The following PCM1 variants were observed in gnomAD, a reference collection of about 807,000 sequenced individuals.
PCM1 encodes the protein pericentriolar material 1 protein.
PCM1 carries 157 observed loss-of-function variants against 241.9 expected under a neutral mutation model. That is an observed-to-expected ratio of 0.65 (90% CI 0.57 to 0.74). The LOEUF is 0.74. Among genes scored for constraint, PCM1 ranks in the 30% least tolerant of loss-of-function variants. PCM1 has a pLI of 0.00. For synonymous variants in PCM1, 1,085 were observed against 784.9 expected (o/e 1.38, Z -6.39); for missense variants, 3,478 against 2,360.1 (o/e 1.47, Z -9.81).
At chr8:17,925,139 C>T (rs575208497) in intron 2 of PCM1, 1 of 152,222 alleles carries the variant, frequency 6.6e-6, no homozygotes, top group African/African-American at 2.4e-5. Context: ...CTACAACATT[C>T]CTATTAATTG....
chr8:17,990,074 G>A (rs997874253), intron 27 of PCM1, 95 bp downstream of exon 27: 36 of 994,344 alleles, frequency 3.6e-5, no homozygotes, highest in Admixed American at 1.9e-4. Flanking sequence ...CTAGAAAGGC[G>A]AAGTGTGTGT....
At chr8:17,947,857 G>C (rs2064406654) in intron 7 of PCM1, among the ~76,000 whole-genome samples, 1 of 152,066 alleles carries the variant, frequency 6.6e-6, no homozygotes, top group African/African-American at 2.4e-5. Flanking sequence ...TAGCTCCTTG[G>C]AACTATATTT....
chr8:17,929,677 G>A (rs188833042), intron 2 of PCM1, among the ~76,000 whole-genome samples: 67 of 152,072 alleles, frequency 4.4e-4, no homozygotes, highest in African/African-American at 1.5e-3. Flanking sequence ...TTTATCGCCC[G>A]TGTTGTAATA....
chr8:17,951,615 T>G (rs978495800), intron 8 of PCM1, among the ~76,000 whole-genome samples: 2 of 152,160 alleles, frequency 1.3e-5, no homozygotes, highest in Non-Finnish European at 2.9e-5. Flanking sequence ...AAATTCAAGT[T>G]TAAGAAGGAT....
rs570052164 is a variant in PCM1 at position 17,948,561 on chromosome 8, C to G, written c.961+1198C>G. Among the ~76,000 whole-genome samples, 5 of 152,084 alleles carry G rather than the reference C, an allele frequency of 3.3e-5. No individual in the cohort carries two copies. The South Asian group carries it at 1.0e-3, about 32-fold the overall frequency. On this transcript the variant is annotated intron_variant, in intron 7 of 38. Coordinates refer to ENST00000325083, the MANE Select transcript of PCM1 (RefSeq NM_006197.4). ...CTTGTGATCTGCCCGCCTTGGCCTC[C>G]CAAAGTGCTGGGATTACAGGCGTCA...
At position 17,947,373 on chromosome 8, in the gene PCM1, A is replaced by G; in HGVS notation, c.961+10A>G. On this transcript the variant is annotated intron_variant, in intron 7 of 38. Transcript: ENST00000325083. The stretch of plus-strand genomic sequence containing the variant: ...GTGATGGATGATTCTGGTATGTCAC[A>G]GTCTGAGAATATTCTTTTTGTAAGG... 6.4e-7 allele frequency: 1 copy of G among 1,556,380 alleles called. No homozygotes were observed.
intron 30 of PCM1, among the ~76,000 whole-genome samples, chr8:18,007,662 G>A (rs929352340): frequency 6.6e-6 from 1 of 152,084 alleles, no homozygotes; most frequent in Non-Finnish European, 1.5e-5. Context: ...CATACATGAA[G>A]AATACAAGTT....
rs775837723 is a variant in PCM1 at position 17,969,659 on chromosome 8, C to T, written c.3495C>T (p.Pro1165=). The T allele has an allele frequency of 8.1e-6, 13 of 1,612,816 alleles. No homozygotes were observed. Among genetic ancestry groups the T allele is most frequent in the Non-Finnish European group, 8.5e-6 (10 of 1,178,976 alleles). Residue 1165 remains proline (P), a synonymous_variant, in exon 22 of 39, where the codon CCC becomes CCT. Transcript: ENST00000325083. ...CTACACCCAGTGAACAGCAGCAACC[C>T]TTAGCCCAGAATTCTTCAGGAAAAA... ...NISTPSEQQQ[P]LAQNSSGKTE...
At chr8:18,009,435 T>G (rs549941391) in intron 30 of PCM1, 112 bp from the exon 31 acceptor site, 1 of 685,924 alleles carries the variant, frequency 1.5e-6, no homozygotes, top group East Asian at 2.7e-5. Flanking sequence ...ACAACCTATC[T>G]TTCCTTAGTA....
chr8:17,983,171 G>T (rs2081501120), intron 24 of PCM1: 5 of 787,098 alleles, frequency 6.4e-6, no homozygotes, highest in African/African-American at 1.8e-5. Context: ...TCATGTTATA[G>T]ACCCTGTCTT....
chr8:17,973,438 G>C (rs1365802489), intron 23 of PCM1, among the ~76,000 whole-genome samples: 1 of 152,130 alleles, frequency 6.6e-6, no homozygotes, highest in African/African-American at 2.4e-5. Flanking sequence ...GGTGCCTAAG[G>C]CTAGTTGCGG....
At chr8:17,946,158 C>G (rs2063697565) in intron 6 of PCM1, among the ~76,000 whole-genome samples, 1 of 151,948 alleles carries the variant, frequency 6.6e-6, no homozygotes. Flanking sequence ...TTTGTAAGTG[C>G]CACTTATTTA....
chr8:17,964,697 T>C lies in PCM1; in HGVS notation c.2784T>C (p.Asn928=), dbSNP rs751918599. ...EEEEEQDASS[N]DNFSVCPSNS... Reference sequence around the variant, plus strand: ...AAGAAGAGCAAGATGCCAGTTCCAATGATAACTTTTCTGTGTGTCCTTCTA... The same window carrying C: ...AAGAAGAGCAAGATGCCAGTTCCAACGATAACTTTTCTGTGTGTCCTTCTA... Residue 928 remains asparagine (N), a synonymous_variant, in exon 18 of 39, where the codon AAT becomes AAC. Transcript: ENST00000325083. The C allele has an allele frequency of 6.2e-7, 1 of 1,613,924 alleles. No homozygotes were observed. The highest frequency in any genetic ancestry group is 8.5e-7 in the Non-Finnish European group (1 of 1,179,806).
chr8:17,994,466 G>T (rs771243290), intron 29 of PCM1, among the ~76,000 whole-genome samples: 23 of 152,268 alleles, frequency 1.5e-4, no homozygotes, highest in Admixed American at 7.8e-4. Flanking sequence ...CCAAATCTTG[G>T]TTGTTGTGAA....
chr8:17,962,355 A>G (rs1393032615), intron 16 of PCM1, 181 bp downstream of exon 16: 2 of 319,402 alleles, frequency 6.3e-6, no homozygotes, highest in Non-Finnish European at 1.1e-5. Context: ...AATATAAGAA[A>G]GATAAAACAT....
At chr8:17,961,598 A>C (rs1454712753) in intron 15 of PCM1, among the ~76,000 whole-genome samples, 1 of 152,100 alleles carries the variant, frequency 6.6e-6, no homozygotes, top group Non-Finnish European at 1.5e-5. Context: ...GGCGTGAGCC[A>C]CCGCTCCCGG....
At chr8:17,970,540 T>G (rs1458243123) in intron 22 of PCM1, among the ~76,000 whole-genome samples, 1 of 152,078 alleles carries the variant, frequency 6.6e-6, no homozygotes, top group Non-Finnish European at 1.5e-5. Flanking sequence ...CTCCTTTTTT[T>G]TGGTTGTTCT....
intron 7 of PCM1, among the ~76,000 whole-genome samples, chr8:17,950,329 A>C (rs1256242399): frequency 1.3e-5 from 2 of 152,188 alleles, no homozygotes; most frequent in East Asian, 3.9e-4. Flanking sequence ...GACCTGCTCC[A>C]CTGAGTCACT....
In PCM1 at chr8:17,955,511, C is replaced by G. The variant is rs1464213283; in HGVS notation, c.1330C>G (p.Pro444Ala). ...RSVDQRSTSA[P>A]SASVGLAPVV... is the part of the protein sequence containing the mutation. ...TGTCGATCAGAGAAGTACTTCAGCT[C>G]CCTCTGCTTCTGTAGGCTTGGCACC... Residue 444 changes from proline (P) to alanine (A), a missense_variant, in exon 10 of 39, where the codon CCC becomes GCC. Coordinates refer to ENST00000325083, the MANE Select transcript of PCM1 (RefSeq NM_006197.4). 1 of 1,613,518 alleles carries G rather than the reference C, an allele frequency of 6.2e-7. No homozygotes were observed. The highest frequency in any genetic ancestry group is 1.7e-5 in the Admixed American group (1 of 59,970).
Sources: allele counts gnomAD v4.1 joint callset (sites outside exome capture counted in the v4.1 genomes callset), GRCh38; gene constraint gnomAD v4.1.1; transcripts MANE v1.5; gene names NCBI Gene and HGNC (gene_info 2026-07-23, HGNC 2026-07-21).